Variants in SLC6A14 observed in about 807,000 individuals in gnomAD.
SLC6A14 encodes the protein sodium- and chloride-dependent neutral and basic amino acid transporter B(0+).
A neutral mutation model predicts 51.4 loss-of-function variants in SLC6A14; 21 were observed. The observed-to-expected ratio is 0.41, with a 90% CI of 0.29 to 0.59. The LOEUF is 0.59. Ranked by LOEUF, SLC6A14 falls within the 20% of genes least tolerant of loss-of-function variation. The probability of loss-of-function intolerance (pLI) is 0.31; values close to 1 mark genes in which losing one functional copy is unlikely to be tolerated. For synonymous variants in SLC6A14, 177 were observed against 160.7 expected (o/e 1.10, Z -0.77); for missense variants, 371 against 472.8 (o/e 0.78, Z 2.00).
rs1928002209 is a variant in SLC6A14 at position 116,459,582 on chromosome X, G to C, written c.*627G>C. On this transcript the variant is annotated 3_prime_UTR_variant, in exon 14 of 14. Transcript: ENST00000598581. ...TAGTCATTAATGTTCTTTATAAAAA[G>C]TGAAATAAGATGGAAAAATAAGGAT... 1 of 111,779 alleles carries C rather than the reference G, an allele frequency of 8.9e-6. No individual in the cohort carries two copies. Among genetic ancestry groups the C allele is most frequent in the African/African-American group, 3.3e-5 (1 of 30,745 alleles). 9.2% of individuals were successfully genotyped at this position (111,779 alleles called of 1,213,427 possible).
intron 1 of SLC6A14, 30 bp from the exon 2 acceptor site, chrX:116,437,760 G>A: frequency 8.5e-7 from 1 of 1,181,463 alleles, no homozygotes. Context: ...ATGGTAGAAA[G>A]GCAAGCTGTT....
In SLC6A14 at chrX:116,454,316, C is replaced by A. The variant is rs1307848105; in HGVS notation, c.1286-8C>A. 8.2e-6 allele frequency: 9 copies of A among 1,093,934 alleles called. No homozygotes were observed. The highest frequency in any genetic ancestry group is 1.1e-5 in the Non-Finnish European group (9 of 792,576). 90.2% of individuals were successfully genotyped at this position (1,093,934 alleles called of 1,213,427 possible). On this transcript the variant is annotated splice_polypyrimidine_tract_variant and splice_region_variant and intron_variant, in intron 9 of 13. Transcript: ENST00000598581. Reference sequence around the variant, plus strand: ...GACATATAACATGTCATTTCTCCCCCTCTGAAGAAACGATCACAACAACAA... The same window carrying A: ...GACATATAACATGTCATTTCTCCCCATCTGAAGAAACGATCACAACAACAA...
At chrX:116,440,926 G>A in intron 2 of SLC6A14, 40 bp from the exon 3 acceptor site, 2 of 1,195,690 alleles carry the variant, frequency 1.7e-6, no homozygotes, top group South Asian at 1.8e-5. Context: ...TCAAGACTTC[G>A]AGCTGTAATA....
rs1928024857 is a variant in SLC6A14, at chrX:116,460,550, T to C, written c.*1595T>C. 2 of 70,111 alleles carry C rather than the reference T, an allele frequency of 2.9e-5. No homozygotes were observed. The highest frequency in any genetic ancestry group is 1.9e-3 in the South Asian group (2 of 1,047). The allele number at this position is 70,111 out of a possible 1,213,427, so 5.8% of individuals were successfully genotyped here. Reference sequence around the variant, plus strand: ...GTTTGACATTCTGAGGGTTTTCTTTTTCTTTTTCCTTTTTTTTTTTTTTGG... The same window carrying C: ...GTTTGACATTCTGAGGGTTTTCTTTCTCTTTTTCCTTTTTTTTTTTTTTGG... On this transcript the variant is annotated 3_prime_UTR_variant, in exon 14 of 14. Transcript: ENST00000598581.
At position 116,444,908 on chromosome X, in the gene SLC6A14, T is replaced by C; in HGVS notation, c.657-10T>C. 8.3e-7 allele frequency: 1 copy of C among 1,209,308 alleles called. No individual in the cohort carries two copies. The highest frequency in any genetic ancestry group is 1.1e-6 in the Non-Finnish European group (1 of 893,313). On this transcript the variant is annotated splice_polypyrimidine_tract_variant and intron_variant, in intron 5 of 13. Transcript: ENST00000598581. ...GATTCTGTGATCATAAAATGGCTTA[T>C]GTGTTTCAGTAAAGTGGCGCTCCAA...
intron 1 of SLC6A14, among the ~76,000 whole-genome samples, chrX:116,437,102 T>C (rs1210855227): frequency 2.7e-5 from 3 of 110,994 alleles, no homozygotes; most frequent in Non-Finnish European, 5.7e-5. Flanking sequence ...AGTGAGCAGG[T>C]TGGGAGAGAA....
At position 116,451,406 on chromosome X, in the gene SLC6A14, A is replaced by G. The variant is rs782497344; in HGVS notation, c.931-36A>G. ...TATTTACACAAATAAAAAATTGAGTATATGTTTTAAAATATTAAATTATTT... is the reference window on the plus strand; with the variant it reads ...TATTTACACAAATAAAAAATTGAGTGTATGTTTTAAAATATTAAATTATTT... On this transcript the variant is annotated intron_variant, in intron 7 of 13. Transcript: ENST00000598581. The G allele has an allele frequency of 2.8e-5, 27 of 966,504 alleles. 1 individual carries two copies. The South Asian group carries it at 6.1e-4, about 22-fold the overall frequency. 79.7% of individuals were successfully genotyped at this position (966,504 alleles called of 1,213,427 possible). A position where few individuals can be genotyped will look rare whatever the true frequency, so the allele number is the denominator to read the frequency against.
At position 116,459,524 on chromosome X, in the gene SLC6A14, C is replaced by G. The variant is rs971317988; in HGVS notation, c.*569C>G. ...CCCAAATATGTTTAAAAACTTCGTG[C>G]ATTTGTTACAGCTCATGTTTTCTAT... is the stretch of plus-strand genomic sequence containing the variant. On this transcript the variant is annotated 3_prime_UTR_variant, in exon 14 of 14. Coordinates refer to ENST00000598581, the MANE Select transcript of SLC6A14 (RefSeq NM_007231.5). 2.7e-5 allele frequency: 3 copies of G among 111,524 alleles called. No homozygotes were observed. The highest frequency in any genetic ancestry group is 6.5e-5 in the African/African-American group (2 of 30,672). 9.2% of individuals were successfully genotyped at this position (111,524 alleles called of 1,213,427 possible). A position where few individuals can be genotyped will look rare whatever the true frequency, so the allele number is the denominator to read the frequency against.
rs1928002297 is a variant in SLC6A14 at position 116,459,591 on chromosome X, G to A, written c.*636G>A. 2 of 111,742 alleles carry A rather than the reference G, an allele frequency of 1.8e-5. No homozygotes were observed. The highest frequency in any genetic ancestry group is 3.8e-5 in the Non-Finnish European group (2 of 53,009). 9.2% of individuals were successfully genotyped at this position (111,742 alleles called of 1,213,427 possible). A position where few individuals can be genotyped will look rare whatever the true frequency, so the allele number is the denominator to read the frequency against. On this transcript the variant is annotated 3_prime_UTR_variant, in exon 14 of 14. Transcript: ENST00000598581. ...ATGTTCTTTATAAAAAGTGAAATAA[G>A]ATGGAAAAATAAGGATCCTACAGCC...
At chrX:116,440,929 C>A in intron 2 of SLC6A14, 37 bp from the exon 3 acceptor site, 2 of 1,199,060 alleles carry the variant, frequency 1.7e-6, no homozygotes, top group Non-Finnish European at 2.3e-6. Flanking sequence ...AGACTTCGAG[C>A]TGTAATAGTG....
In SLC6A14 at chrX:116,436,729, C is replaced by T. The variant is rs1242323829; in HGVS notation, c.20C>T (p.Pro7Leu). MDKLKCPSFFKCREKEK... is the reference protein window; with the variant it reads MDKLKCLSFFKCREKEK... ...TGAACCATGGACAAGTTGAAATGCC[C>T]GAGTTTCTTCAAGTGCAGGGAGAAG... Residue 7 changes from proline (P) to leucine (L), a missense_variant, in exon 1 of 14, where the codon CCG becomes CTG. By Grantham distance (98) the Pro-to-Leu change is moderately conservative. Around this residue, in one of 2 missense-constraint regions of SLC6A14, gnomAD observed 277 missense variants for 391.8 expected, o/e 0.71. Transcript: ENST00000598581. 8 of 1,163,064 alleles carry T rather than the reference C, an allele frequency of 6.9e-6. No individual in the cohort carries two copies. The highest frequency in any genetic ancestry group is 8.0e-6 in the Non-Finnish European group (7 of 871,273).
chrX:116,447,807 G>A (rs1478273600), intron 7 of SLC6A14, among the ~76,000 whole-genome samples: 1 of 110,334 alleles, frequency 9.1e-6, no homozygotes, highest in Non-Finnish European at 1.9e-5. Flanking sequence ...ATGTTGGCCA[G>A]CCTGGTCTCA....
At chrX:116,455,148 T>G (rs782742196) in intron 11 of SLC6A14, 72 bp downstream of exon 11, 1 of 739,485 alleles carries the variant, frequency 1.4e-6, no homozygotes, top group African/African-American at 2.2e-5. Flanking sequence ...TCATTATATT[T>G]ACCTAATTAT....
At position 116,454,521 on chromosome X, in the gene SLC6A14, A is replaced by T. The variant is rs1927887496; in HGVS notation, c.1404+79A>T. The T allele has an allele frequency of 1.7e-5, 10 of 598,046 alleles. No homozygotes were observed. In the East Asian group the frequency reaches 3.4e-4, roughly 20 times the overall value. 49.3% of individuals were successfully genotyped at this position (598,046 alleles called of 1,213,427 possible). On this transcript the variant is annotated intron_variant, in intron 10 of 13. Transcript: ENST00000598581. ...AACCTAACTAAAGAAACCAAAGCTT[A>T]AGAGGATGCTTAGTGACAAGTCCAG...
At chrX:116,445,457 G>GGAGAGAGAGAGAGAGAGA (rs4068397) in intron 6 of SLC6A14, among the ~76,000 whole-genome samples, 3 of 67,025 alleles carry the variant, frequency 4.5e-5, no homozygotes, top group African/African-American at 1.9e-4. Flanking sequence ...TCCCCTAGTC[G>GGAGAGAGAGAGAGAGAGA]GAGAGAGAGA....
intron 6 of SLC6A14, among the ~76,000 whole-genome samples, chrX:116,445,472 G>GAA (rs1343660321): frequency 2.0e-5 from 2 of 99,443 alleles, no homozygotes; most frequent in Non-Finnish European, 4.2e-5. Context: ...GAGAGAGAGA[G>GAA]AGAGAGAGAG....
chrX:116,457,378 A>T (rs1227404952), intron 12 of SLC6A14, among the ~76,000 whole-genome samples: 4 of 111,897 alleles, frequency 3.6e-5, no homozygotes, highest in Non-Finnish European at 7.6e-5. Flanking sequence ...TAAATATATG[A>T]TGGTATTAAT....
At chrX:116,439,263 C>T (rs1927547608) in intron 2 of SLC6A14, among the ~76,000 whole-genome samples, 1 of 111,454 alleles carries the variant, frequency 9.0e-6, no homozygotes, top group African/African-American at 3.3e-5. Flanking sequence ...ATGCTATTAT[C>T]TTTTTCACCA....
intron 7 of SLC6A14, among the ~76,000 whole-genome samples, 193 bp downstream of exon 7, chrX:116,447,074 A>T (rs1487057392): frequency 1.8e-5 from 2 of 111,787 alleles, no homozygotes; most frequent in African/African-American, 6.5e-5. Context: ...TCTTTTATTG[A>T]TGGTGAGATA....
Sources: gnomAD v4.1 joint callset for allele counts (sites outside exome capture counted in the v4.1 genomes callset) on GRCh38, gnomAD v4.1.1 for gene constraint, gnomAD v4.1.1 regional missense constraint, MANE v1.5 for transcripts, NCBI Gene and HGNC (gene_info 2026-07-23, HGNC 2026-07-21) for gene names.